The following FSD2 variants were observed in gnomAD, a reference collection of about 807,000 sequenced individuals.
FSD2 encodes fibronectin type III and SPRY domain-containing protein 2.
FSD2 carries 71 observed loss-of-function variants against 80.4 expected under a neutral mutation model. The observed-to-expected ratio is 0.88, with a 90% CI of 0.73 to 1.08. FSD2 has a LOEUF of 1.08. FSD2 is among the 50% of genes least tolerant of loss of function. FSD2 has a pLI of 0.00. For synonymous variants in FSD2, 361 were observed against 329.5 expected (o/e 1.10, Z -1.03); for missense variants, 923 against 913.8 (o/e 1.01, Z -0.13).
rs2049787213 is a variant in FSD2 at position 82,778,953 on chromosome 15, G to A, written c.990-66C>T. 4 of 1,544,996 alleles carry A rather than the reference G, an allele frequency of 2.6e-6. No individual in the cohort carries two copies. The South Asian group carries it at 3.5e-5, about 14-fold the overall frequency. On this transcript the variant is annotated intron_variant, in intron 5 of 12. Coordinates refer to ENST00000334574, the MANE Select transcript of FSD2 (RefSeq NM_001007122.4). ...ATTCTCCTTAGGGTATATATATAGT[G>A]CTGAGTCACTGTCATAAATGAAGAG... is the stretch of plus-strand genomic sequence containing the variant.
At chr15:82,771,375 G>T (rs531955615) in intron 7 of FSD2, among the ~76,000 whole-genome samples, 155 of 152,262 alleles carry the variant, frequency 1.0e-3, no homozygotes, top group Non-Finnish European at 5.0e-4. Context: ...GGCTGGCCCT[G>T]GTCCCTTGAA....
At chr15:82,798,357 A>T (rs2151540148) in intron 1 of FSD2, among the ~76,000 whole-genome samples, 1 of 152,264 alleles carries the variant, frequency 6.6e-6, no homozygotes, top group East Asian at 1.9e-4. Context: ...GATAGAAAGG[A>T]AGAAAGAACG....
At chr15:82,765,379 C>T in intron 10 of FSD2, 81 bp from the exon 11 acceptor site, 3 of 1,580,760 alleles carry the variant, frequency 1.9e-6, no homozygotes, top group East Asian at 2.3e-5. Flanking sequence ...GGTTTAGCTT[C>T]GTGTGGGATA....
chr15:82,783,062 A>G (rs1179960967), intron 3 of FSD2, 37 bp from the exon 4 acceptor site: 1 of 1,427,772 alleles, frequency 7.0e-7, no homozygotes, highest in Non-Finnish European at 9.8e-7. Flanking sequence ...ATTTCAGCGC[A>G]TGTAGTGTGT....
chr15:82,759,514 T>A lies in FSD2; in HGVS notation c.2084A>T (p.Tyr695Phe), dbSNP rs1205178396. The A allele has an allele frequency of 6.2e-7, 1 of 1,611,268 alleles. No individual in the cohort carries two copies. Among genetic ancestry groups the A allele is most frequent in the Non-Finnish European group, 8.5e-7 (1 of 1,178,344 alleles). ...GAAAAATGACAACTTTGAATGTTCATAGTCTAATAGAATGCCAATCTTCTT... is the reference window on the plus strand; with the variant it reads ...GAAAAATGACAACTTTGAATGTTCAAAGTCTAATAGAATGCCAATCTTCTT... ...PPKKIGILLD[Y>F]EHSKLSFFNV... is the part of the protein sequence containing the mutation. The change falls in exon 13 of 13, where the codon TAT becomes TTT. Residue 695 changes from tyrosine to phenylalanine, a missense_variant. By Grantham distance (22) the Tyr-to-Phe change is conservative. Transcript: ENST00000334574.
At chr15:82,783,099 T>G (rs1206473373) in intron 3 of FSD2, 74 bp from the exon 4 acceptor site, 11 of 1,133,960 alleles carry the variant, frequency 9.7e-6, no homozygotes, top group Middle Eastern at 2.0e-4. Context: ...TTTTTTGTTT[T>G]TTTGTTTGTT....
chr15:82,767,540 G>A (rs2049452974), intron 9 of FSD2, among the ~76,000 whole-genome samples: 1 of 152,162 alleles, frequency 6.6e-6, no homozygotes, highest in African/African-American at 2.4e-5. Context: ...GATTTGTACT[G>A]GAAGAATATG....
At chr15:82,790,770 A>G (rs1373141992) in intron 1 of FSD2, among the ~76,000 whole-genome samples, 1 of 131,132 alleles carries the variant, frequency 7.6e-6, no homozygotes, top group Non-Finnish European at 1.6e-5. Flanking sequence ...TATTTTTAGT[A>G]GAGACAGGGT....
At position 82,786,883 on chromosome 15, in the gene FSD2, C is replaced by T. The variant is rs1421080697; in HGVS notation, c.508G>A (p.Glu170Lys). ...ACATCAGCAGCTTCTTCTTCATCCTCTTCCTCGGGGATGACATAGCATTCA... is the reference window on the plus strand; with the variant it reads ...ACATCAGCAGCTTCTTCTTCATCCTTTTCCTCGGGGATGACATAGCATTCA... ...EYECYVIPEE[E>K]DEEEAADVFC... Residue 170 changes from glutamate to lysine, a missense_variant, in exon 2 of 13, where the codon GAG becomes AAG. Physicochemically the swap from Glu to Lys is moderately conservative, Grantham distance 56. Transcript: ENST00000334574. 1.9e-6 allele frequency: 3 copies of T among 1,614,034 alleles called. No individual in the cohort carries two copies. Among genetic ancestry groups the T allele is most frequent in the Non-Finnish European group, 1.7e-6 (2 of 1,179,910 alleles).
In FSD2 at chr15:82,781,777, TG is replaced by T. The variant is rs1290359820; in HGVS notation, c.966+1017del. ...GGCTGGAAAACTCTTAGAGCACTCT[TG>T]GCCGGGCGCGGTGGCTCACGCCTGT... On this transcript the variant is annotated intron_variant, in intron 4 of 12. Transcript: ENST00000334574. Among the ~76,000 whole-genome samples the T allele has an allele frequency of 3.9e-5, 6 of 152,036 alleles. No individual in the cohort carries two copies. The East Asian group carries it at 1.2e-3, about 29-fold the overall frequency.
intron 1 of FSD2, among the ~76,000 whole-genome samples, chr15:82,795,764 G>A (rs536897513): frequency 3.3e-5 from 5 of 152,044 alleles, no homozygotes; most frequent in East Asian, 1.9e-4. Context: ...CCCAGAAGAC[G>A]GAGGTTGTAG....
At chr15:82,779,892 G>A (rs1454684324) in intron 5 of FSD2, among the ~76,000 whole-genome samples, 1 of 152,130 alleles carries the variant, frequency 6.6e-6, no homozygotes. Context: ...TCTAAAATGT[G>A]CACACTTTCT....
In FSD2 at chr15:82,772,105, A is replaced by C; in HGVS notation, c.1235T>G (p.Val412Gly). 4 of 1,602,152 alleles carry C rather than the reference A, an allele frequency of 2.5e-6. No homozygotes were observed. In the South Asian group the frequency reaches 4.5e-5, roughly 18 times the overall value. ...GTCCGTCCCAGGTGAGCTGTCCTGC[A>C]CTGGCCGGTAGGACAGCTGATAGCT... ...VESYQLSYRP[V>G]QDSSPGTDQA... Residue 412 changes from valine (V) to glycine (G), a missense_variant, in exon 7 of 13, where the codon GTG becomes GGG. Transcript: ENST00000334574.
At position 82,757,975 on chromosome 15, in the gene FSD2, A is replaced by T. The variant is rs60520444; in HGVS notation, c.*1373T>A. 6.6e-6 allele frequency: 1 copy of T among 152,128 alleles called. No individual in the cohort carries two copies. The highest frequency in any genetic ancestry group is 1.5e-5 in the Non-Finnish European group (1 of 68,122). The allele number at this position is 152,128 out of a possible 1,614,324, so 9.4% of individuals were successfully genotyped here. On this transcript the variant is annotated 3_prime_UTR_variant, in exon 13 of 13. Transcript: ENST00000334574. ...GCCAAGGCTGGAGTGCAGTGGCACA[A>T]TCTCGGCTCACTGCAGCCTCTGCCC...
chr15:82,799,540 C>T (rs551341513), intron 1 of FSD2, among the ~76,000 whole-genome samples: 10 of 152,328 alleles, frequency 6.6e-5, no homozygotes, highest in African/African-American at 2.4e-4. Flanking sequence ...GAGGCAGAGG[C>T]TCAGAGGTGC....
intron 7 of FSD2, 124 bp from the exon 8 acceptor site, chr15:82,770,008 A>G (rs1230074144): frequency 4.9e-6 from 5 of 1,029,800 alleles, no homozygotes; most frequent in South Asian, 3.0e-5. Context: ...CCCTGTATGC[A>G]CTCCCTCTGC....
Position 82,806,062 on chromosome 15 carries a change from C to T in FSD2, c.-175G>A, listed in dbSNP as rs1003085954. Reference sequence around the variant, plus strand: ...TCAGCAGGCTTTCCTTCCTAGTGACCTCTGCATGCCCCACAGGCTACCCCT... The same window carrying T: ...TCAGCAGGCTTTCCTTCCTAGTGACTTCTGCATGCCCCACAGGCTACCCCT... On this transcript the variant is annotated 5_prime_UTR_variant, in exon 1 of 13. Transcript: ENST00000334574. 1.3e-5 allele frequency: 2 copies of T among 152,198 alleles called. No individual in the cohort carries two copies. The highest frequency in any genetic ancestry group is 4.8e-5 in the African/African-American group (2 of 41,452). 9.4% of individuals were successfully genotyped at this position (152,198 alleles called of 1,614,324 possible). A position where few individuals can be genotyped will look rare whatever the true frequency, so the allele number is the denominator to read the frequency against.
At chr15:82,800,106 G>T (rs1168503735) in intron 1 of FSD2, among the ~76,000 whole-genome samples, 2 of 152,114 alleles carry the variant, frequency 1.3e-5, no homozygotes, top group Non-Finnish European at 2.9e-5. Flanking sequence ...TCGGGAAGAA[G>T]AACTCTGCCC....
chr15:82,787,421 T>C lies in FSD2; in HGVS notation c.-31A>G, dbSNP rs752168679. 1 of 1,551,450 alleles carries C rather than the reference T, an allele frequency of 6.4e-7. No individual in the cohort carries two copies. Among genetic ancestry groups the C allele is most frequent in the East Asian group, 2.3e-5 (1 of 44,412 alleles). On this transcript the variant is annotated 5_prime_UTR_variant, in exon 2 of 13. The change creates a new upstream start codon in the 5' untranslated region. Transcript: ENST00000334574. ...CTCTGGAAGTCCTCAGAAGCACCTT[T>C]ATATAAGAAAGATCCTTCCTGGACA...
Sources: allele counts gnomAD v4.1 joint callset (sites outside exome capture counted in the v4.1 genomes callset), GRCh38; gene constraint gnomAD v4.1.1; transcripts MANE v1.5; gene names NCBI Gene and HGNC (gene_info 2026-07-23, HGNC 2026-07-21).